The following PRIM2 variants were observed in gnomAD, a reference collection of about 807,000 sequenced individuals.
The protein encoded by PRIM2 is DNA primase large subunit.
Under a neutral mutation model 67.3 loss-of-function variants are expected in PRIM2, and 39 were observed. That is an observed-to-expected ratio of 0.58 (90% CI 0.45 to 0.76). PRIM2 has a LOEUF of 0.76. PRIM2 is among the 30% of genes least tolerant of loss of function. The pLI, the probability that PRIM2 is intolerant of heterozygous loss-of-function variation, is 0.00. For synonymous variants in PRIM2, 143 were observed against 198.7 expected, an observed-to-expected ratio of 0.72 and a Z score of 2.36; for missense variants, 398 against 598.7, an observed-to-expected ratio of 0.66 and a Z score of 3.50.
At chr6:57,421,973 A>G (rs1226913638) in intron 7 of PRIM2, among the ~76,000 whole-genome samples, 1 of 152,146 alleles carries the variant, frequency 6.6e-6, no homozygotes, top group East Asian at 1.9e-4. Flanking sequence ...GTCAGTCTTA[A>G]TTTATAAGTT....
chr6:57,569,325 T>G (rs1428926582), intron 10 of PRIM2, among the ~76,000 whole-genome samples: 29 of 152,198 alleles, frequency 1.9e-4, no homozygotes, highest in Admixed American at 1.9e-3. Context: ...CAAATACTAT[T>G]TTATGCATGT....
chr6:57,571,586 G>A (rs1227794778), intron 10 of PRIM2, among the ~76,000 whole-genome samples: 1 of 152,156 alleles, frequency 6.6e-6, no homozygotes, highest in African/African-American at 2.4e-5. Flanking sequence ...GGAGGCGTAG[G>A]TTGCAGTGAG....
intron 10 of PRIM2, among the ~76,000 whole-genome samples, chr6:57,561,813 G>A (rs1385054744): frequency 3.3e-5 from 5 of 152,106 alleles, no homozygotes; most frequent in Admixed American, 1.3e-4. Context: ...CTTAGCTTTC[G>A]GCCTATCTCA....
At chr6:57,355,778 A>G (rs1769011917) in intron 5 of PRIM2, among the ~76,000 whole-genome samples, 1 of 152,100 alleles carries the variant, frequency 6.6e-6, no homozygotes, top group Non-Finnish European at 1.5e-5. Flanking sequence ...CTGGGACTAC[A>G]GGCATGTGTC....
intron 5 of PRIM2, among the ~76,000 whole-genome samples, chr6:57,328,717 T>C (rs767969881): frequency 1.2e-4 from 18 of 152,224 alleles, no homozygotes; most frequent in Non-Finnish European, 2.2e-4. Flanking sequence ...TGATTCTGTG[T>C]TTAAACTTTT....
At chr6:57,258,312 A>G in the PRIM2 span, among the ~76,000 whole-genome samples, 1 of 152,080 alleles carries the variant, frequency 6.6e-6, no homozygotes, top group South Asian at 2.1e-4. Context: ...TTTCTCTTCT[A>G]AGATGTGGGA....
At chr6:57,404,024 A>C (rs1770802875) in intron 7 of PRIM2, among the ~76,000 whole-genome samples, 1 of 124,892 alleles carries the variant, frequency 8.0e-6, no homozygotes, top group African/African-American at 3.3e-5. Context: ...TGACCTTATT[A>C]CCTCTCAAAG....
At chr6:57,300,780 T>C in the PRIM2 span, among the ~76,000 whole-genome samples, 1 of 152,116 alleles carries the variant, frequency 6.6e-6, no homozygotes, top group Admixed American at 6.6e-5. Context: ...CCCAGCACTT[T>C]GGGAGGCCGA....
the PRIM2 span, among the ~76,000 whole-genome samples, chr6:57,309,264 A>G: frequency 2.7e-5 from 4 of 147,482 alleles, no homozygotes; most frequent in African/African-American, 1.0e-4. Flanking sequence ...AGCATTAGGT[A>G]TATCTCCCAA....
At chr6:57,636,509 A>G (rs1430003539) in intron 13 of PRIM2, among the ~76,000 whole-genome samples, 1 of 152,226 alleles carries the variant, frequency 6.6e-6, no homozygotes, top group East Asian at 1.9e-4. Flanking sequence ...GAAACAGAAC[A>G]CAAAGAACCC....
chr6:57,335,585 C>T (rs1377941485), intron 5 of PRIM2, among the ~76,000 whole-genome samples: 1 of 152,088 alleles, frequency 6.6e-6, no homozygotes, highest in Admixed American at 6.5e-5. Context: ...CTGGGAGGCA[C>T]CCCCCAGCAG....
At chr6:57,529,189 ATTCCCAGC>A (rs1774832296) in intron 8 of PRIM2, among the ~76,000 whole-genome samples, 1 of 152,094 alleles carries the variant, frequency 6.6e-6, no homozygotes, top group Non-Finnish European at 1.5e-5. Flanking sequence ...GGGCGCCTGT[ATTCCCAGC>A]TACTTGGGAG....
chr6:57,545,436 A>G (rs1166448980), intron 10 of PRIM2, among the ~76,000 whole-genome samples: 2 of 152,056 alleles, frequency 1.3e-5, no homozygotes, highest in South Asian at 2.1e-4. Flanking sequence ...TTTATTTATT[A>G]TAATTATTTT....
intron 12 of PRIM2, among the ~76,000 whole-genome samples, chr6:57,628,089 C>T (rs1776983742): frequency 6.6e-6 from 1 of 152,178 alleles, no homozygotes; most frequent in Non-Finnish European, 1.5e-5. Context: ...TGTCAGTGCT[C>T]ATTGAAACAT....
intron 7 of PRIM2, among the ~76,000 whole-genome samples, chr6:57,392,421 A>C (rs528209641): frequency 1.3e-5 from 2 of 152,078 alleles, no homozygotes; most frequent in Non-Finnish European, 2.9e-5. Context: ...CCTTATTCTT[A>C]GCATTTACAT....
At chr6:57,626,725 A>C (rs1374163649) in intron 12 of PRIM2, among the ~76,000 whole-genome samples, 2 of 151,762 alleles carry the variant, frequency 1.3e-5, no homozygotes, top group Non-Finnish European at 2.9e-5. Flanking sequence ...CCCCGACTCA[A>C]GCGAACCTCC....
At chr6:57,456,961 G>A (rs1358938396) in intron 7 of PRIM2, among the ~76,000 whole-genome samples, 2 of 152,082 alleles carry the variant, frequency 1.3e-5, no homozygotes, top group African/African-American at 2.4e-5. Context: ...TACAGATGGG[G>A]TTTTGGTGTG....
the PRIM2 span, among the ~76,000 whole-genome samples, chr6:57,237,433 T>G: frequency 0.019 from 2,930 of 152,246 alleles, 98 homozygotes; most frequent in African/African-American, 0.065. Flanking sequence ...GATCCCATTT[T>G]TCAATTTTGG....
At chr6:57,610,213 C>T (rs1428327625) in intron 12 of PRIM2, among the ~76,000 whole-genome samples, 3 of 152,246 alleles carry the variant, frequency 2.0e-5, no homozygotes, top group Non-Finnish European at 2.9e-5. Flanking sequence ...GCATTACAGG[C>T]ACCCTTCATC....
Sources: gnomAD v4.1 joint callset for allele counts (sites outside exome capture counted in the v4.1 genomes callset) on GRCh38, gnomAD v4.1.1 for gene constraint, MANE v1.5 for transcripts, NCBI Gene and HGNC (gene_info 2026-07-23, HGNC 2026-07-21) for gene names.